STIMATE: variants seen among roughly 807,000 people sequenced by gnomAD.
STIMATE encodes STIM activating enhancer.
STIMATE carries 15 observed loss-of-function variants against 36.7 expected under a neutral mutation model. The ratio of observed to expected loss-of-function variants is 0.41; its 90% confidence interval spans 0.27 to 0.63. The LOEUF is 0.63. Among genes scored for constraint, STIMATE ranks in the 20% least tolerant of loss-of-function variants. The pLI, the probability that STIMATE is intolerant of heterozygous loss-of-function variation, is 0.32. For synonymous variants in STIMATE, 163 were observed against 162.3 expected, an observed-to-expected ratio of 1.00 and a Z score of -0.03; for missense variants, 305 against 397.3, an observed-to-expected ratio of 0.77 and a Z score of 1.98.
intron 3 of STIMATE, 39 bp downstream of exon 3, chr3:52,852,563 AG>A (rs1289554807): frequency 6.2e-7 from 1 of 1,610,396 alleles, no homozygotes; most frequent in South Asian, 1.1e-5. Context: ...TTTTCAATGG[AG>A]GGGCAGCTGA....
At chr3:52,857,777 G>A (rs903701872) in intron 1 of STIMATE, among the ~76,000 whole-genome samples, 3 of 151,212 alleles carry the variant, frequency 2.0e-5, no homozygotes, top group Non-Finnish European at 2.9e-5. Flanking sequence ...TAGAGAGAGA[G>A]AGAGAAAGAG....
At chr3:52,848,899 C>G (rs907529911) in intron 4 of STIMATE, among the ~76,000 whole-genome samples, 7 of 152,236 alleles carry the variant, frequency 4.6e-5, no homozygotes, top group African/African-American at 1.2e-4. Flanking sequence ...CTGCCCTGAG[C>G]TCATCTCCCC....
Position 52,849,868 on chromosome 3 carries a change from G to A in STIMATE, c.351C>T (p.Leu117=). ...FLLDATVGML[L]IYVGVRAVSV... is the part of the protein sequence containing the mutation. The stretch of plus-strand genomic sequence containing the variant: ...TGACGGCGCGCACCCCCACGTAGAT[G>A]AGCAGCATGCCCACAGTGGCGTCCA... Residue 117 remains leucine, a synonymous_variant, in exon 4 of 8, where the codon CTC becomes CTT. Coordinates refer to ENST00000355083, the MANE Select transcript of STIMATE (RefSeq NM_198563.5). The A allele has an allele frequency of 1.2e-6, 2 of 1,613,790 alleles. No individual in the cohort carries two copies. The highest frequency in any genetic ancestry group is 8.5e-7 in the Non-Finnish European group (1 of 1,179,944).
At chr3:52,860,530 GC>G (rs1271885814) in intron 1 of STIMATE, among the ~76,000 whole-genome samples, 3 of 151,910 alleles carry the variant, frequency 2.0e-5, no homozygotes, top group African/African-American at 7.3e-5. Flanking sequence ...CTCCACGTGG[GC>G]CTGTGTGTGG....
chr3:52,849,516 T>C (rs1578804004), intron 4 of STIMATE, among the ~76,000 whole-genome samples: 1 of 152,148 alleles, frequency 6.6e-6, no homozygotes, highest in Non-Finnish European at 1.5e-5. Context: ...TGTCTTCCAT[T>C]AGAAGGAGCA....
At chr3:52,886,570 G>T (rs545948499) in intron 1 of STIMATE, among the ~76,000 whole-genome samples, 8 of 152,242 alleles carry the variant, frequency 5.3e-5, no homozygotes, top group Non-Finnish European at 1.0e-4. Flanking sequence ...TTCGTCACCA[G>T]AGAGTTACCA....
intron 1 of STIMATE, among the ~76,000 whole-genome samples, chr3:52,866,819 C>G (rs921635737): frequency 1.3e-5 from 2 of 152,144 alleles, no homozygotes; most frequent in Admixed American, 1.3e-4. Flanking sequence ...AAAACACAGG[C>G]GTTGGAAGGG....
chr3:52,845,978 G>A (rs1700892234), intron 4 of STIMATE, among the ~76,000 whole-genome samples: 1 of 152,138 alleles, frequency 6.6e-6, no homozygotes, highest in African/African-American at 2.4e-5. Flanking sequence ...CGTAATCCAG[G>A]CTATGAGAAG....
At chr3:52,864,545 C>T (rs1268380054) in intron 1 of STIMATE, among the ~76,000 whole-genome samples, 1 of 152,140 alleles carries the variant, frequency 6.6e-6, no homozygotes, top group South Asian at 2.1e-4. Flanking sequence ...AAATTTGGCT[C>T]CTTGTTACTT....
intron 4 of STIMATE, chr3:52,848,663 G>T (rs369063054): frequency 3.3e-5 from 5 of 152,226 alleles, no homozygotes; most frequent in African/African-American, 9.7e-5. Flanking sequence ...CACTGGCTGG[G>T]TGAGCTTTGC....
intron 4 of STIMATE, among the ~76,000 whole-genome samples, chr3:52,845,955 G>T (rs1284212547): frequency 2.7e-5 from 4 of 150,822 alleles, no homozygotes. Flanking sequence ...GCGGGAGGCT[G>T]GGGGGTAAAG....
chr3:52,860,347 T>C (rs1575334307), intron 1 of STIMATE, among the ~76,000 whole-genome samples: 2 of 146,698 alleles, frequency 1.4e-5, no homozygotes, highest in East Asian at 2.0e-4. Context: ...GCACGTGGGG[T>C]CTGAACTGTC....
chr3:52,882,141 A>AG (rs1485048240), intron 1 of STIMATE, among the ~76,000 whole-genome samples: 1 of 152,194 alleles, frequency 6.6e-6, no homozygotes, highest in Non-Finnish European at 1.5e-5. Context: ...AGGCTCACAC[A>AG]GGGCTGGGGG....
Position 52,840,361 on chromosome 3 carries a change from A to G in STIMATE, c.*133T>C. ...TCACAGTAGTCTGGGGGCAGGCGAG[A>G]GCGGGCAGAGACAGCAAGAGGAGCA... On this transcript the variant is annotated 3_prime_UTR_variant, in exon 8 of 8. Coordinates refer to ENST00000355083, the MANE Select transcript of STIMATE (RefSeq NM_198563.5). 4.8e-6 allele frequency: 5 copies of G among 1,049,116 alleles called. No individual in the cohort carries two copies. The South Asian group carries it at 6.4e-5, about 13-fold the overall frequency. 65.0% of individuals were successfully genotyped at this position (1,049,116 alleles called of 1,614,324 possible).
At chr3:52,857,221 A>T (rs1701115424) in intron 1 of STIMATE, among the ~76,000 whole-genome samples, 2 of 152,262 alleles carry the variant, frequency 1.3e-5, no homozygotes, top group South Asian at 4.1e-4. Context: ...TTAGAGAGAC[A>T]TGTTGAGAGA....
chr3:52,848,085 T>C (rs1219102602), intron 4 of STIMATE: 1 of 152,834 alleles, frequency 6.5e-6, no homozygotes, highest in African/African-American at 2.4e-5. Context: ...AATCAACTTG[T>C]GTTGTTTCAA....
chr3:52,859,502 CAAAAAAAAAAAA>C (rs34298807), intron 1 of STIMATE, among the ~76,000 whole-genome samples: 13 of 15,636 alleles, frequency 8.3e-4, no homozygotes, highest in East Asian at 2.3e-3. Context: ...CCCATTTCTC[CAAAAAAAAAAAA>C]AAAAAAAAAA....
rs748278013 is a variant in STIMATE, at chr3:52,842,850, G to C, written c.729C>G (p.Arg243=). 7 of 1,614,252 alleles carry C rather than the reference G, an allele frequency of 4.3e-6. No homozygotes were observed. The highest frequency in any genetic ancestry group is 5.9e-6 in the Non-Finnish European group (7 of 1,180,050). ...NQDSRNGSKV[R]YRRAASHEES... ...CCTCGTGGGATGCGGCCCTCCGGTA[G>C]CGGACCTTGCTCCCATTCCTCGAGT... Residue 243 remains arginine (R), a synonymous_variant, in exon 7 of 8, where the codon CGC becomes CGG. Coordinates refer to ENST00000355083, the MANE Select transcript of STIMATE (RefSeq NM_198563.5).
At position 52,838,272 on chromosome 3, in the gene STIMATE, C is replaced by T. The variant is rs1257958639; in HGVS notation, c.*2222G>A. ...GATCTATATAACCCAGGGTTTGTTT[C>T]ACAGCTTTCATAGATTATGGCTCTC... On this transcript the variant is annotated 3_prime_UTR_variant, in exon 8 of 8. Coordinates refer to ENST00000355083, the MANE Select transcript of STIMATE (RefSeq NM_198563.5). 1 of 152,180 alleles carries T rather than the reference C, an allele frequency of 6.6e-6. No individual in the cohort carries two copies. Among genetic ancestry groups the T allele is most frequent in the East Asian group, 1.9e-4 (1 of 5,200 alleles). The allele number at this position is 152,180 out of a possible 1,614,324, so 9.4% of individuals were successfully genotyped here. A position where few individuals can be genotyped will look rare whatever the true frequency, so the allele number is the denominator to read the frequency against.
Sources: gnomAD v4.1 joint callset for allele counts (sites outside exome capture counted in the v4.1 genomes callset) on GRCh38, gnomAD v4.1.1 for gene constraint, MANE v1.5 for transcripts, NCBI Gene and HGNC (gene_info 2026-07-23, HGNC 2026-07-21) for gene names.